CUL9: variants seen among roughly 807,000 people sequenced by gnomAD.
CUL9 encodes the protein cullin 9, also known as cullin-9.
Under a neutral mutation model 272.6 loss-of-function variants are expected in CUL9, and 79 were observed. The observed-to-expected ratio is 0.29, with a 90% confidence interval of 0.24 to 0.35. CUL9 has a LOEUF of 0.35. CUL9 is among the 10% of genes least tolerant of loss of function. The pLI is 1.00. For missense variants in CUL9, 2,532 were observed against 3,255.6 expected, an observed-to-expected ratio of 0.78 and a Z score of 5.41; for synonymous variants, 1,186 against 1,286.5, an observed-to-expected ratio of 0.92 and a Z score of 1.67.
Position 43,206,372 on chromosome 6 carries a change from A to C in CUL9, c.5074A>C (p.Ser1692Arg), listed in dbSNP as rs777829941. Residue 1692 changes from serine (S) to arginine (R), a missense_variant, in exon 26 of 41, where the codon AGT becomes CGT. By Grantham distance (110) the Ser-to-Arg change is moderately radical (BLOSUM62 -1). Around this residue, in one of 3 missense-constraint regions of CUL9, gnomAD observed 2,218 missense variants for 2,788.6 expected, o/e 0.80. Coordinates refer to ENST00000252050, the MANE Select transcript of CUL9 (RefSeq NM_015089.4). This position sits in a 1 kb window ranked among gnomAD's most constrained non-coding sequence, Gnocchi z 4.8. ...GAAAGAATTATTTATCGAAGATCCA[A>C]GTCCAGCCATTTCTATACTGGTCCT... is the stretch of plus-strand genomic sequence containing the variant. ...AEKELFIEDP[S>R]PAISILVLSP... 5.0e-6 allele frequency: 8 copies of C among 1,614,114 alleles called. No homozygotes were observed. In the African/African-American group the frequency reaches 1.1e-4, roughly 22 times the overall value.
chr6:43,200,858 T>G lies in CUL9; in HGVS notation c.3647+24T>G. 1.2e-6 allele frequency: 2 copies of G among 1,613,006 alleles called. No homozygotes were observed. Among genetic ancestry groups the G allele is most frequent in the Non-Finnish European group, 1.7e-6 (2 of 1,179,012 alleles). ...AGGTGTGAACACACATATATGAATGTTCTGCTGTGCCCCAGGATACTTCCC... is the reference window on the plus strand; with the variant it reads ...AGGTGTGAACACACATATATGAATGGTCTGCTGTGCCCCAGGATACTTCCC... On this transcript the variant is annotated intron_variant, in intron 16 of 40. Coordinates refer to ENST00000252050, the MANE Select transcript of CUL9 (RefSeq NM_015089.4). This position sits in a 1 kb window ranked among gnomAD's most constrained non-coding sequence, Gnocchi z 4.0.
At position 43,222,557 on chromosome 6, in the gene CUL9, G is replaced by T. The variant is rs368220007; in HGVS notation, c.6948G>T (p.Arg2316=). Residue 2316 remains arginine (R), a synonymous_variant, in exon 37 of 41, where the codon CGG becomes CGT. Coordinates refer to ENST00000252050, the MANE Select transcript of CUL9 (RefSeq NM_015089.4). The stretch of plus-strand genomic sequence containing the variant: ...AGTTTGCTGTGAACTTGCGGAACCG[G>T]GTGTCTGCCATCCATGAAGTGCCCC... The part of the protein sequence containing the change: ...AREFAVNLRN[R]VSAIHEVPPP... The T allele has an allele frequency of 4.3e-6, 7 of 1,613,828 alleles. No homozygotes were observed. The highest frequency in any genetic ancestry group is 1.6e-4 in the Middle Eastern group (1 of 6,062).
intron 31 of CUL9, among the ~76,000 whole-genome samples, chr6:43,216,726 A>G (rs1243694806): frequency 2.0e-5 from 3 of 152,328 alleles, no homozygotes; most frequent in Admixed American, 6.5e-5. Flanking sequence ...ATATATACCA[A>G]TGGTGCTCCA....
chr6:43,187,576 G>A, intron 6 of CUL9, 137 bp downstream of exon 6: 1 of 1,321,836 alleles, frequency 7.6e-7, no homozygotes, highest in Non-Finnish European at 1.1e-6. Flanking sequence ...TCCTGCTGGG[G>A]GTTGGAGGCA....
chr6:43,198,919 AC>A lies in CUL9; in HGVS notation c.3050+65del. On this transcript the variant is annotated intron_variant, in intron 12 of 40. Coordinates refer to ENST00000252050, the MANE Select transcript of CUL9 (RefSeq NM_015089.4). ...GAAACTGGCAGACTTCAGGGACTTC[AC>A]TTGTTTCTTTTCTGTTTTCTTTTTT... 3.3e-6 allele frequency: 5 copies of A among 1,536,120 alleles called. No individual in the cohort carries two copies. In the Middle Eastern group the frequency reaches 1.1e-3, roughly 325 times the overall value.
At position 43,209,614 on chromosome 6, in the gene CUL9, T is replaced by C. The variant is rs564170039; in HGVS notation, c.5212+3104T>C. ...TTTCTTTCTTTGTCTTTTATGACAT[T>C]GAGATTTCTGGAGAATACGGTCCTT... On this transcript the variant is annotated intron_variant, in intron 26 of 40. Transcript: ENST00000252050. Among the ~76,000 whole-genome samples the C allele has an allele frequency of 2.0e-4, 30 of 152,284 alleles. 2 individuals are homozygous for C. The Middle Eastern group carries it at 0.034, about 173-fold the overall frequency.
At chr6:43,194,267 G>A (rs1045466841) in intron 9 of CUL9, among the ~76,000 whole-genome samples, 6 of 152,062 alleles carry the variant, frequency 3.9e-5, no homozygotes, top group African/African-American at 1.4e-4. Flanking sequence ...GAGGCCAGGA[G>A]GCGCTTTTCT....
chr6:43,218,938 G>A lies in CUL9; in HGVS notation c.6283-1521G>A, dbSNP rs1582428284. 6.6e-6 allele frequency among the ~76,000 whole-genome samples: 1 copy of A among 152,038 alleles called. No individual in the cohort carries two copies. Among genetic ancestry groups the A allele is most frequent in the South Asian group, 2.1e-4 (1 of 4,824 alleles). On this transcript the variant is annotated intron_variant, in intron 31 of 40. Transcript: ENST00000252050. This position sits in a 1 kb window ranked among gnomAD's most constrained non-coding sequence, Gnocchi z 4.4. ...CCAAGGAGAAAGAAGCAGACCCAGG[G>A]AACCAAGCCTGTAAAGATACAGAGA... is the stretch of plus-strand genomic sequence containing the variant.
chr6:43,224,025 G>A lies in CUL9; in HGVS notation c.7285-70G>A. 6.8e-7 allele frequency: 1 copy of A among 1,469,016 alleles called. No individual in the cohort carries two copies. Among genetic ancestry groups the A allele is most frequent in the Non-Finnish European group, 9.5e-7 (1 of 1,048,250 alleles). The allele number at this position is 1,469,016 out of a possible 1,614,324, so 91.0% of individuals were successfully genotyped here. On this transcript the variant is annotated intron_variant, in intron 39 of 40. Transcript: ENST00000252050. This position sits in a 1 kb window ranked among gnomAD's most constrained non-coding sequence, Gnocchi z 4.2. ...AGCTTGGCCCTCCCAGAGCATCAGT[G>A]GAAGGAATGCTGGGTCCAAAGGCCC...
Position 43,203,284 on chromosome 6 carries a change from C to A in CUL9, c.3849+80C>A. ...TCCTTGATCTGCTTGGGAGATGGCC[C>A]AGGACCTGTTGAGTCCCAGAGATGT... is the stretch of plus-strand genomic sequence containing the variant. On this transcript the variant is annotated intron_variant, in intron 18 of 40. Coordinates refer to ENST00000252050, the MANE Select transcript of CUL9 (RefSeq NM_015089.4). The surrounding 1 kb of genome is among the most constrained non-coding windows in gnomAD (Gnocchi z 5.0). 6.3e-7 allele frequency: 1 copy of A among 1,596,194 alleles called. No individual in the cohort carries two copies. The highest frequency in any genetic ancestry group is 1.3e-5 in the African/African-American group (1 of 74,634).
intron 11 of CUL9, chr6:43,198,162 G>T (rs1048992006): frequency 4.4e-5 from 23 of 524,514 alleles, no homozygotes; most frequent in Non-Finnish European, 4.9e-5. Context: ...AATCACTTGA[G>T]CCCAGGAGTT....
At chr6:43,182,837 C>T (rs1329883538) in intron 1 of CUL9, among the ~76,000 whole-genome samples, 2 of 152,160 alleles carry the variant, frequency 1.3e-5, no homozygotes, top group African/African-American at 4.8e-5. Flanking sequence ...TCCCTGTTGC[C>T]CCTGCACTGC....
Position 43,199,483 on chromosome 6 carries a change from TG to T in CUL9, c.3156+115del, listed in dbSNP as rs1774332587. 1.3e-6 allele frequency: 1 copy of T among 773,042 alleles called. No individual in the cohort carries two copies. The highest frequency in any genetic ancestry group is 2.3e-6 in the Non-Finnish European group (1 of 443,186). 47.9% of individuals were successfully genotyped at this position (773,042 alleles called of 1,614,324 possible). A position where few individuals can be genotyped will look rare whatever the true frequency, so the allele number is the denominator to read the frequency against. ...CCTTTCTGAATGGATCTTGGGGCAC[TG>T]GGATGGGTGTAGGAGGAGGAAGGGT... is the stretch of plus-strand genomic sequence containing the variant. On this transcript the variant is annotated intron_variant, in intron 13 of 40. Transcript: ENST00000252050. This position sits in a 1 kb window ranked among gnomAD's most constrained non-coding sequence, Gnocchi z 4.4.
Position 43,216,204 on chromosome 6 carries a change from C to A in CUL9, c.5983C>A (p.Arg1995Ser). The A allele has an allele frequency of 6.2e-7, 1 of 1,613,284 alleles. No homozygotes were observed. The highest frequency in any genetic ancestry group is 8.5e-7 in the Non-Finnish European group (1 of 1,179,362). ...GGCATCTCTACAGCTGCCTGCAGGC[C>A]GCACCATGAGCCCCCAGGAAGTAGA... ...TLASLQLPAG[R>S]TMSPQEVEGL... The change falls in exon 31 of 41, where the codon CGC (arginine) becomes AGC (serine). Residue 1995 changes from arginine (R) to serine (S), a missense_variant. Arg to Ser is a moderately radical substitution (Grantham distance 110). Coordinates refer to ENST00000252050, the MANE Select transcript of CUL9 (RefSeq NM_015089.4).
In CUL9 at chr6:43,220,924, C is replaced by T; in HGVS notation, c.6588+13C>T. The T allele has an allele frequency of 6.3e-7, 1 of 1,599,980 alleles. No individual in the cohort carries two copies. Among genetic ancestry groups the T allele is most frequent in the Non-Finnish European group, 8.5e-7 (1 of 1,172,776 alleles). On this transcript the variant is annotated intron_variant, in intron 33 of 40. Transcript: ENST00000252050. The surrounding 1 kb of genome is among the most constrained non-coding windows in gnomAD (Gnocchi z 4.9). The stretch of plus-strand genomic sequence containing the variant: ...TAGCTTCCCTGAGGTGGGAGCCCCA[C>T]ACTGGCCCTGACCCTGAGCAAGGAT...
At chr6:43,188,759 G>A (rs1420381655) in intron 8 of CUL9, 44 bp downstream of exon 8, 6 of 1,480,796 alleles carry the variant, frequency 4.1e-6, no homozygotes, top group Non-Finnish European at 5.5e-6. Context: ...GAAGCTGTAG[G>A]CAAAGGATGG....
At chr6:43,191,519 A>G (rs1404587659) in intron 8 of CUL9, among the ~76,000 whole-genome samples, 5 of 104,298 alleles carry the variant, frequency 4.8e-5, no homozygotes, top group African/African-American at 2.7e-4. Flanking sequence ...TTTTGTAGAG[A>G]TGGGGTCTCA....
intron 37 of CUL9, 38 bp from the exon 38 acceptor site, chr6:43,222,741 G>A: frequency 6.2e-7 from 1 of 1,609,334 alleles, no homozygotes; most frequent in Non-Finnish European, 8.5e-7. Context: ...AGGGAATGAG[G>A]AGAGGGCAGG....
At chr6:43,185,247 AC>A (rs1177798929) in intron 2 of CUL9, among the ~76,000 whole-genome samples, 2 of 152,194 alleles carry the variant, frequency 1.3e-5, no homozygotes, top group Non-Finnish European at 2.9e-5. Context: ...AGTGTGTAGC[AC>A]TTAGTAGGGG....
Sources: gnomAD v4.1 joint callset for allele counts (sites outside exome capture counted in the v4.1 genomes callset) on GRCh38, gnomAD v4.1.1 for gene constraint, gnomAD v4.1.1 regional missense constraint, Gnocchi (gnomAD v3.1) non-coding constraint, MANE v1.5 for transcripts, NCBI Gene and HGNC (gene_info 2026-07-23, HGNC 2026-07-21) for gene names.